Variants in CSMD2 observed in about 807,000 individuals in gnomAD.
CSMD2 encodes the protein CUB and Sushi multiple domains 2.
A neutral mutation model predicts 398.5 loss-of-function variants in CSMD2; 130 were observed. The observed-to-expected ratio is 0.33, with a 90% CI of 0.28 to 0.38. The LOEUF (loss-of-function observed/expected upper bound fraction) is 0.38. Ranked by LOEUF, CSMD2 falls within the 10% of genes least tolerant of loss-of-function variation. The probability of loss-of-function intolerance (pLI) is 1.00; values close to 1 mark genes in which losing one functional copy is unlikely to be tolerated. For synonymous variants in CSMD2, 1,828 were observed against 1,908.5 expected, an observed-to-expected ratio of 0.96 and a Z score of 1.10; for missense variants, 3,829 against 4,764.9, an observed-to-expected ratio of 0.80 and a Z score of 5.78.
intron 52 of CSMD2, among the ~76,000 whole-genome samples, chr1:33,568,301 C>A (rs920399276): frequency 2.6e-5 from 4 of 151,676 alleles, no homozygotes; most frequent in Admixed American, 2.6e-4. Flanking sequence ...GATTCTCCTG[C>A]CTTAGCCTCC....
rs148601474 is a variant in CSMD2 at position 33,817,394 on chromosome 1, C to T, written c.1324+2319G>A. On this transcript the variant is annotated intron_variant, in intron 9 of 70. Transcript: ENST00000373381. ...TTGTTTAAATTTCATAATCAGTAGG[C>T]GGGGAAGATTTTGTTTTCCTTGTTC... Among the ~76,000 whole-genome samples, 485 of 152,232 alleles carry T rather than the reference C, an allele frequency of 3.2e-3. 3 individuals are homozygous for T. The highest frequency in any genetic ancestry group is 0.01 in the African/African-American group (435 of 41,546).
At chr1:33,689,109 T>G (rs1208018937) in intron 25 of CSMD2, among the ~76,000 whole-genome samples, 206 of 103,352 alleles carry the variant, frequency 2.0e-3, no homozygotes, top group South Asian at 2.2e-3. Context: ...AGAGAGGGAG[T>G]GGGAAAGAAG....
intron 2 of CSMD2, among the ~76,000 whole-genome samples, chr1:34,081,352 G>A (rs1657086990): frequency 6.6e-6 from 1 of 152,074 alleles, no homozygotes; most frequent in African/African-American, 2.4e-5. Flanking sequence ...CCTCCGAGGT[G>A]TGAGCTCCTC....
At chr1:33,557,086 T>C (rs1658064840) in intron 55 of CSMD2, among the ~76,000 whole-genome samples, 1 of 152,230 alleles carries the variant, frequency 6.6e-6, no homozygotes, top group Non-Finnish European at 1.5e-5. Context: ...CTAACAATAA[T>C]TAATGTGGTC....
chr1:34,138,556 A>G (rs1638978086), intron 1 of CSMD2, among the ~76,000 whole-genome samples: 1 of 152,174 alleles, frequency 6.6e-6, no homozygotes, highest in African/African-American at 2.4e-5. Context: ...TTGGCCACTT[A>G]TTTCATTTTC....
chr1:33,724,492 G>A, intron 18 of CSMD2, 24 bp downstream of exon 18: 2 of 1,605,904 alleles, frequency 1.2e-6, no homozygotes, highest in Non-Finnish European at 1.7e-6. Context: ...TGCTACTTTA[G>A]CGCCCCCTCA....
rs192595894 is a variant in CSMD2, at chr1:33,522,144, C to T, written c.10510-594G>A. Among the ~76,000 whole-genome samples, 32 of 152,296 alleles carry T rather than the reference C, an allele frequency of 2.1e-4. No individual in the cohort carries two copies. In the East Asian group the frequency reaches 3.5e-3, roughly 17 times the overall value. ...GACCCCCAAATGTGCAGTCTGGGGC[C>T]GCAGCGGCTGAGGGCATGCTGTGAG... On this transcript the variant is annotated intron_variant, in intron 67 of 70. Transcript: ENST00000373381.
Position 33,788,634 on chromosome 1 carries a change from A to G in CSMD2, c.1629T>C (p.Ser543=). 41 of 1,613,436 alleles carry G rather than the reference A, an allele frequency of 2.5e-5. No individual in the cohort carries two copies. The highest frequency in any genetic ancestry group is 3.5e-5 in the Non-Finnish European group (41 of 1,179,372). Residue 543 remains serine (S), a synonymous_variant, in exon 12 of 71, where the codon AGT becomes AGC. Coordinates refer to ENST00000373381, the MANE Select transcript of CSMD2 (RefSeq NM_001281956.2). The stretch of plus-strand genomic sequence containing the variant: ...AAGCCTTGAATCCCAGGGAACTGCC[A>G]CTGCCATCAGTCTGGAAGAGGAGCC... ...QMWLLFQTDG[S]GSSLGFKASY... is the part of the protein sequence containing the mutation.
chr1:34,034,065 T>C (rs1650799208), intron 2 of CSMD2, among the ~76,000 whole-genome samples: 2 of 151,886 alleles, frequency 1.3e-5, no homozygotes, highest in Non-Finnish European at 2.9e-5. Flanking sequence ...TCATATACTC[T>C]CTCTCATCAA....
intron 2 of CSMD2, among the ~76,000 whole-genome samples, chr1:34,076,605 T>C (rs1235698713): frequency 1.6e-4 from 2 of 12,266 alleles, no homozygotes; most frequent in Non-Finnish European, 2.6e-4. Context: ...TACCTCATGA[T>C]TCACAAATTA....
chr1:33,813,394 C>T (rs1256103961), intron 9 of CSMD2, among the ~76,000 whole-genome samples: 3 of 152,162 alleles, frequency 2.0e-5, no homozygotes, highest in Non-Finnish European at 4.4e-5. Flanking sequence ...GCAGCCAGCT[C>T]CATGGGATCC....
chr1:33,832,166 T>C (rs1289438712), intron 6 of CSMD2, among the ~76,000 whole-genome samples: 2 of 136,686 alleles, frequency 1.5e-5, no homozygotes, highest in African/African-American at 2.9e-5. Flanking sequence ...GTGGACCTAA[T>C]AGACATCTAC....
At position 33,718,379 on chromosome 1, in the gene CSMD2, G is replaced by A. The variant is rs111236131; in HGVS notation, c.3002-1878C>T. Among the ~76,000 whole-genome samples the A allele has an allele frequency of 1.2e-3, 181 of 152,332 alleles. 1 individual carries two copies. Among genetic ancestry groups the A allele is most frequent in the African/African-American group, 3.9e-3 (163 of 41,568 alleles). ...GTGTAAGTGCGTGGCCATGCACATG[G>A]GCCATGCCCCATGTCGGAGCTTGAA... On this transcript the variant is annotated intron_variant, in intron 19 of 70. Coordinates refer to ENST00000373381, the MANE Select transcript of CSMD2 (RefSeq NM_001281956.2).
chr1:33,625,260 G>T lies in CSMD2; in HGVS notation c.5297-6C>A. 6.2e-7 allele frequency: 1 copy of T among 1,607,478 alleles called. No individual in the cohort carries two copies. Among genetic ancestry groups the T allele is most frequent in the Non-Finnish European group, 8.5e-7 (1 of 1,177,614 alleles). On this transcript the variant is annotated splice_polypyrimidine_tract_variant and splice_region_variant and intron_variant, in intron 33 of 70. Coordinates refer to ENST00000373381, the MANE Select transcript of CSMD2 (RefSeq NM_001281956.2). Reference sequence around the variant, plus strand: ...GGCGCTGGTTCGAGGAACCGCTGTGGGGGACAAGGGCACTGAGGGGAGGCC... The same window carrying T: ...GGCGCTGGTTCGAGGAACCGCTGTGTGGGACAAGGGCACTGAGGGGAGGCC...
rs374992814 is a variant in CSMD2, at chr1:33,635,348, T to C, written c.4970-18A>G. ...ACAGGGGGCTGAAAGAGAAACCAGA[T>C]AGAGAGTCAGGTGACCTTGTGGGCC... On this transcript the variant is annotated intron_variant, in intron 30 of 70. Coordinates refer to ENST00000373381, the MANE Select transcript of CSMD2 (RefSeq NM_001281956.2). The surrounding 1 kb of genome is among the most constrained non-coding windows in gnomAD (Gnocchi z 5.0). 3.8e-5 allele frequency: 56 copies of C among 1,481,560 alleles called. 1 individual carries two copies. Among genetic ancestry groups the C allele is most frequent in the Non-Finnish European group, 4.8e-5 (51 of 1,061,758 alleles). 91.8% of individuals were successfully genotyped at this position (1,481,560 alleles called of 1,614,324 possible).
At chr1:33,833,477 A>C (rs1223362865) in intron 6 of CSMD2, among the ~76,000 whole-genome samples, 9 of 149,856 alleles carry the variant, frequency 6.0e-5, no homozygotes, top group African/African-American at 2.0e-4. Flanking sequence ...ACTCTCAATA[A>C]ATTAGGTATT....
chr1:33,605,563 C>A, intron 41 of CSMD2, 93 bp from the exon 42 acceptor site: 1 of 1,268,852 alleles, frequency 7.9e-7, no homozygotes, highest in Non-Finnish European at 1.1e-6. Flanking sequence ...AAGATTTGGA[C>A]TCAGATGGAC....
At chr1:33,856,845 G>C (rs1324077137) in intron 5 of CSMD2, among the ~76,000 whole-genome samples, 1 of 151,890 alleles carries the variant, frequency 6.6e-6, no homozygotes, top group East Asian at 2.0e-4. Flanking sequence ...ATGTGACCTT[G>C]GAGAGGTGGC....
rs1557547542 is a variant in CSMD2, at chr1:33,567,787, G to A, written c.8186C>T (p.Ser2729Phe). The change falls in exon 53 of 71, where the codon TCT (serine) becomes TTT (phenylalanine). Residue 2729 changes from serine to phenylalanine, a missense_variant. Around this residue, in one of 5 missense-constraint regions of CSMD2, gnomAD observed 917 missense variants for 1,199.5 expected, o/e 0.76. Transcript: ENST00000373381. Reference sequence around the variant, plus strand: ...TCCAGCTTTGGTGAGGGATGGGGAAGAGAGTACATCGAAGAGGAGCTTATA... The same window carrying A: ...TCCAGCTTTGGTGAGGGATGGGGAAAAGAGTACATCGAAGAGGAGCTTATA... ...IFYKLLFDVL[S>F]SPSLTKAGHC... 4 of 1,613,168 alleles carry A rather than the reference G, an allele frequency of 2.5e-6. No individual in the cohort carries two copies. The highest frequency in any genetic ancestry group is 2.5e-6 in the Non-Finnish European group (3 of 1,179,578).
Sources: gnomAD v4.1 joint callset for allele counts (sites outside exome capture counted in the v4.1 genomes callset) on GRCh38, gnomAD v4.1.1 for gene constraint, gnomAD v4.1.1 regional missense constraint, Gnocchi (gnomAD v3.1) non-coding constraint, MANE v1.5 for transcripts, NCBI Gene and HGNC (gene_info 2026-07-23, HGNC 2026-07-21) for gene names.